PRKX: variants seen among roughly 807,000 people sequenced by gnomAD.
PRKX encodes cAMP-dependent protein kinase catalytic subunit PRKX.
In PRKX, 12 loss-of-function variants were observed where a neutral mutation model predicts 22.0. The observed-to-expected ratio is 0.54, with a 90% confidence interval of 0.35 to 0.88. The LOEUF is 0.88. PRKX is among the 40% of genes least tolerant of loss of function. The pLI, the probability that PRKX is intolerant of heterozygous loss-of-function variation, is 0.01. For missense variants in PRKX, 217 were observed against 308.0 expected, an observed-to-expected ratio of 0.70 and a Z score of 2.21; for synonymous variants, 134 against 137.7, an observed-to-expected ratio of 0.97 and a Z score of 0.19.
At chrX:3,710,242 C>T (rs1297073628) in intron 1 of PRKX, among the ~76,000 whole-genome samples, 2 of 111,672 alleles carry the variant, frequency 1.8e-5, no homozygotes, top group Non-Finnish European at 1.9e-5. Flanking sequence ...AAAACGAAAT[C>T]GGCCTTTAGA....
intron 2 of PRKX, among the ~76,000 whole-genome samples, chrX:3,667,083 G>C (rs946543317): frequency 9.0e-6 from 1 of 111,068 alleles, no homozygotes; most frequent in Non-Finnish European, 1.9e-5. Context: ...CGTCAACAAC[G>C]ACTGAGACAA....
chrX:3,669,991 C>T (rs766710055), intron 2 of PRKX, among the ~76,000 whole-genome samples: 1 of 111,114 alleles, frequency 9.0e-6, no homozygotes, highest in Admixed American at 9.5e-5. Flanking sequence ...TGCTCCTGGC[C>T]GCTGGTGGGT....
At position 3,646,050 on chromosome X, in the gene PRKX, T is replaced by G. The variant is rs187156974; in HGVS notation, c.600-4079A>C. ...TGGTTCATGCCTATAATCCCAACACTTTGGGAGGCCGAGGCAAGTGGATCA... is the reference window on the plus strand; with the variant it reads ...TGGTTCATGCCTATAATCCCAACACGTTGGGAGGCCGAGGCAAGTGGATCA... On this transcript the variant is annotated intron_variant, in intron 3 of 8. Coordinates refer to ENST00000262848, the MANE Select transcript of PRKX (RefSeq NM_005044.5). Among the ~76,000 whole-genome samples, 182 of 111,767 alleles carry G rather than the reference T, an allele frequency of 1.6e-3. 1 individual carries two copies. Among genetic ancestry groups the G allele is most frequent in the African/African-American group, 5.7e-3 (174 of 30,795 alleles).
intron 1 of PRKX, among the ~76,000 whole-genome samples, chrX:3,705,541 C>T (rs1283359029): frequency 6.3e-5 from 7 of 111,601 alleles, no homozygotes; most frequent in South Asian, 7.6e-4. Context: ...ACATCGGTTC[C>T]ACCTTCTCAC....
chrX:3,614,392 G>C (rs1926374985), intron 7 of PRKX, among the ~76,000 whole-genome samples: 1 of 112,126 alleles, frequency 8.9e-6, no homozygotes, highest in Non-Finnish European at 1.9e-5. Context: ...AGGGGGCTGA[G>C]GCATGAGAAC....
At chrX:3,691,694 C>A (rs55700102) in intron 1 of PRKX, among the ~76,000 whole-genome samples, 33,698 of 110,429 alleles carry the variant, frequency 0.31, 3,868 homozygotes, top group Non-Finnish European at 0.33. Context: ...AGTAGCACCT[C>A]CCTGAGCTGT....
intron 3 of PRKX, among the ~76,000 whole-genome samples, chrX:3,654,457 GTTTTTTTTT>G (rs746800596): frequency 1.8e-4 from 8 of 43,350 alleles, no homozygotes; most frequent in Admixed American, 3.4e-4. Flanking sequence ...ATTCAATTTG[GTTTTTTTTT>G]TTTTTTTTTT....
intron 8 of PRKX, 35 bp downstream of exon 8, chrX:3,612,142 T>C: frequency 8.6e-7 from 1 of 1,160,257 alleles, no homozygotes; most frequent in Non-Finnish European, 1.2e-6. Context: ...CGAGTCAGTC[T>C]CATTTTTTGG....
At chrX:3,629,446 C>T (rs2146564871) in intron 4 of PRKX, among the ~76,000 whole-genome samples, 1 of 105,049 alleles carries the variant, frequency 9.5e-6, no homozygotes, top group Non-Finnish European at 1.9e-5. Flanking sequence ...TTGGTAGAGA[C>T]AAGGTCTCAC....
At chrX:3,704,000 T>C (rs890960515) in intron 1 of PRKX, among the ~76,000 whole-genome samples, 35 of 111,112 alleles carry the variant, frequency 3.1e-4, no homozygotes, top group Admixed American at 9.7e-4. Context: ...TGTTTTCTCC[T>C]ACTCAGATCA....
At chrX:3,681,396 A>T (rs1422173068) in intron 1 of PRKX, among the ~76,000 whole-genome samples, 1 of 110,445 alleles carries the variant, frequency 9.1e-6, no homozygotes, top group Non-Finnish European at 1.9e-5. Flanking sequence ...TCACACCTGT[A>T]ATCCCAGTGC....
chrX:3,698,965 TTC>T (rs1202715390), intron 1 of PRKX, among the ~76,000 whole-genome samples: 1 of 102,411 alleles, frequency 9.8e-6, no homozygotes, highest in African/African-American at 4.1e-5. Flanking sequence ...ACTTCCAAAA[TTC>T]TTTTTTTTTT....
intron 2 of PRKX, among the ~76,000 whole-genome samples, chrX:3,665,094 G>A (rs1419552242): frequency 1.8e-5 from 2 of 111,173 alleles, no homozygotes; most frequent in African/African-American, 6.5e-5. Flanking sequence ...GGGCGCGCGC[G>A]TGTGTGTGTG....
rs1190575864 is a variant in PRKX at position 3,688,264 on chromosome X, G to A, written c.167-13498C>T. Among the ~76,000 whole-genome samples the A allele has an allele frequency of 6.4e-3, 566 of 88,411 alleles. 12 individuals carry two copies. The highest frequency in any genetic ancestry group is 0.043 in the East Asian group (79 of 1,817). 76.8% of individuals were successfully genotyped at this position (88,411 alleles called of 115,157 possible). ...AGTTCGAGACCAGCCCAGCCAACATGGTGAAACCCCATCTCTACTAAAAAT... is the reference window on the plus strand; with the variant it reads ...AGTTCGAGACCAGCCCAGCCAACATAGTGAAACCCCATCTCTACTAAAAAT... On this transcript the variant is annotated intron_variant, in intron 1 of 8. Transcript: ENST00000262848.
chrX:3,645,469 T>C (rs768405724), intron 3 of PRKX, among the ~76,000 whole-genome samples: 6 of 112,319 alleles, frequency 5.3e-5, no homozygotes, highest in African/African-American at 1.9e-4. Flanking sequence ...ACACGATCTT[T>C]GTAGCTGCAA....
chrX:3,699,198 G>A (rs767710396), intron 1 of PRKX, among the ~76,000 whole-genome samples: 371 of 107,273 alleles, frequency 3.5e-3, no homozygotes, highest in Non-Finnish European at 5.3e-3. Flanking sequence ...CACTACGCCC[G>A]GCTAATTTTT....
At chrX:3,713,061 G>A (rs1331087602) in intron 1 of PRKX, 27 bp downstream of exon 1, 26 of 1,147,594 alleles carry the variant, frequency 2.3e-5, no homozygotes, top group Non-Finnish European at 2.9e-5. Flanking sequence ...GCCCCTGTGG[G>A]CCGAGTCCCC....
chrX:3,644,208 G>A (rs1927140044), intron 3 of PRKX, among the ~76,000 whole-genome samples: 1 of 83,014 alleles, frequency 1.2e-5, no homozygotes, highest in Non-Finnish European at 2.2e-5. Flanking sequence ...GACCAGCTTG[G>A]ACAACACAGC....
At chrX:3,652,491 G>A (rs971864103) in intron 3 of PRKX, among the ~76,000 whole-genome samples, 7 of 110,124 alleles carry the variant, frequency 6.4e-5, no homozygotes, top group African/African-American at 2.3e-4. Flanking sequence ...GGCTGAGGCA[G>A]GAGAATCACT....
Sources: gnomAD v4.1 joint callset for allele counts (sites outside exome capture counted in the v4.1 genomes callset) on GRCh38, gnomAD v4.1.1 for gene constraint, MANE v1.5 for transcripts, NCBI Gene and HGNC (gene_info 2026-07-23, HGNC 2026-07-21) for gene names.